PABIR1: variants seen among roughly 807,000 people sequenced by gnomAD.
PABIR1 encodes the protein PP2A Aalpha (PPP2R1A) and B55A (PPP2R2A) interacting phosphatase regulator 1.
A neutral mutation model predicts 14.6 loss-of-function variants in PABIR1; 2 were observed. That is an observed-to-expected ratio of 0.14 (90% confidence interval 0.06 to 0.43). The LOEUF (loss-of-function observed/expected upper bound fraction) is 0.43, where lower values mean the gene tolerates loss of function less well. Among genes scored for constraint, PABIR1 ranks in the 20% least tolerant of loss-of-function variants. The pLI is 0.99. For synonymous variants in PABIR1, 163 were observed against 155.4 expected (o/e 1.05, Z -0.36); for missense variants, 294 against 379.0 (o/e 0.78, Z 1.86).
In PABIR1 at chr9:68,784,765, A is replaced by G. The variant is rs761290039; in HGVS notation, c.*3737A>G. On this transcript the variant is annotated 3_prime_UTR_variant, in exon 1 of 1. Transcript: ENST00000394264. ...AGTAGCACCAGAGAACAGAAGAAAG[A>G]GTTGGCCTTGGAAAGGAGGTCTGGA... Among the ~76,000 whole-genome samples the G allele has an allele frequency of 6.6e-6, 1 of 152,196 alleles. No homozygotes were observed. The highest frequency in any genetic ancestry group is 2.4e-5 in the African/African-American group (1 of 41,444).
Position 68,784,673 on chromosome 9 carries a change from A to G in PABIR1, c.*3645A>G, listed in dbSNP as rs970096471. On this transcript the variant is annotated 3_prime_UTR_variant, in exon 1 of 1. Transcript: ENST00000394264. The stretch of plus-strand genomic sequence containing the variant: ...ATTAGTAGAACAATTTTGAAGATCT[A>G]ACAGAGGTGGGAGTCAGGGGAATGG... 6.1e-6 allele frequency: 1 copy of G among 164,650 alleles called. No homozygotes were observed. Among genetic ancestry groups the G allele is most frequent in the Non-Finnish European group, 1.5e-5 (1 of 68,102 alleles). The allele number at this position is 164,650 out of a possible 1,614,324, so 10.2% of individuals were successfully genotyped here. A position where few individuals can be genotyped will look rare whatever the true frequency, so the allele number is the denominator to read the frequency against.
At position 68,780,218 on chromosome 9, in the gene PABIR1, G is replaced by A. The variant is rs777200926; in HGVS notation, c.54G>A (p.Gly18=). The part of the protein sequence containing the change: ...LDLELPPGTG[G]SPAEGGGSGG... The stretch of plus-strand genomic sequence containing the variant: ...TGGAGCTGCCTCCGGGTACGGGCGG[G>A]AGCCCGGCGGAGGGCGGTGGCAGCG... The change falls in exon 1 of 1, where the codon GGG becomes GGA. Residue 18 remains glycine (G), a synonymous_variant. Transcript: ENST00000394264. 2 of 1,539,522 alleles carry A rather than the reference G, an allele frequency of 1.3e-6. No individual in the cohort carries two copies. The highest frequency in any genetic ancestry group is 2.3e-5 in the East Asian group (1 of 44,298).
chr9:68,784,308 G>A lies in PABIR1; in HGVS notation c.*3280G>A, dbSNP rs925983797. ...TGTGCAAGAAGTCCTAAAGTCAATAGCAACATTTATTTAAAGTACAGTTTG... is the reference window on the plus strand; with the variant it reads ...TGTGCAAGAAGTCCTAAAGTCAATAACAACATTTATTTAAAGTACAGTTTG... On this transcript the variant is annotated 3_prime_UTR_variant, in exon 1 of 1. Transcript: ENST00000394264. 7.3e-5 allele frequency: 11 copies of A among 150,474 alleles called. No homozygotes were observed. The highest frequency in any genetic ancestry group is 3.0e-4 in the African/African-American group (11 of 36,138). The allele number at this position is 150,474 out of a possible 1,614,324, so 9.3% of individuals were successfully genotyped here.
Position 68,782,324 on chromosome 9 carries a change from A to G in PABIR1, c.*1296A>G, listed in dbSNP as rs1001186345. The stretch of plus-strand genomic sequence containing the variant: ...TGGAGAGTCACATAGGTAAATCATT[A>G]TTTAACTTAGGTTTTCCTAAAGTTA... On this transcript the variant is annotated 3_prime_UTR_variant, in exon 1 of 1. Coordinates refer to ENST00000394264, the MANE Select transcript of PABIR1 (RefSeq NM_138333.5). 8 of 167,242 alleles carry G rather than the reference A, an allele frequency of 4.8e-5. No individual in the cohort carries two copies. Among genetic ancestry groups the G allele is most frequent in the Middle Eastern group, 6.8e-3 (2 of 296 alleles). The allele number at this position is 167,242 out of a possible 1,614,324, so 10.4% of individuals were successfully genotyped here. A position where few individuals can be genotyped will look rare whatever the true frequency, so the allele number is the denominator to read the frequency against.
Position 68,780,190 on chromosome 9 carries a change from A to G in PABIR1, c.26A>G (p.Asp9Gly), listed in dbSNP as rs1223625810. 3 of 1,535,124 alleles carry G rather than the reference A, an allele frequency of 2.0e-6. No individual in the cohort carries two copies. The highest frequency in any genetic ancestry group is 2.6e-6 in the Non-Finnish European group (3 of 1,147,988). Residue 9 changes from aspartate to glycine, a missense_variant, in exon 1 of 1, where the codon GAC becomes GGC. By Grantham distance (94) the Asp-to-Gly change is moderately conservative (BLOSUM62 -1). Coordinates refer to ENST00000394264, the MANE Select transcript of PABIR1 (RefSeq NM_138333.5). Reference protein sequence around the residue: MAQEKMELDLELPPGTGGS... With the variant: MAQEKMELGLELPPGTGGS... ...ATGGCTCAGGAGAAGATGGAGCTAG[A>G]CCTGGAGCTGCCTCCGGGTACGGGC...
chr9:68,781,345 G>T lies in PABIR1; in HGVS notation c.*317G>T. On this transcript the variant is annotated 3_prime_UTR_variant, in exon 1 of 1. Coordinates refer to ENST00000394264, the MANE Select transcript of PABIR1 (RefSeq NM_138333.5). Reference sequence around the variant, plus strand: ...TAACTGAGAGCTCTATTTATTTATGGGATTATTAAGTTCTGATGAAAATAT... The same window carrying T: ...TAACTGAGAGCTCTATTTATTTATGTGATTATTAAGTTCTGATGAAAATAT... 8.3e-6 allele frequency: 2 copies of T among 239,778 alleles called. No individual in the cohort carries two copies. Among genetic ancestry groups the T allele is most frequent in the Non-Finnish European group, 1.8e-5 (2 of 114,180 alleles). The allele number at this position is 239,778 out of a possible 1,614,324, so 14.9% of individuals were successfully genotyped here. A position where few individuals can be genotyped will look rare whatever the true frequency, so the allele number is the denominator to read the frequency against.
chr9:68,780,868 C>T lies in PABIR1; in HGVS notation c.704C>T (p.Pro235Leu). 1 of 1,614,228 alleles carries T rather than the reference C, an allele frequency of 6.2e-7. No homozygotes were observed. Among genetic ancestry groups the T allele is most frequent in the East Asian group, 2.2e-5 (1 of 44,888 alleles). Residue 235 changes from proline (P) to leucine (L), a missense_variant, in exon 1 of 1, where the codon CCT becomes CTT. Physicochemically the swap from Pro to Leu is moderately conservative, Grantham distance 98. Coordinates refer to ENST00000394264, the MANE Select transcript of PABIR1 (RefSeq NM_138333.5). ...LSSDVAQLSDPGVCVSSDTLD... is the reference protein window; with the variant it reads ...LSSDVAQLSDLGVCVSSDTLD... ...TCTGACGTTGCACAGCTGTCAGATC[C>T]TGGTGTGTGTGTATCTTCGGATACC...
In PABIR1 at chr9:68,781,064, A is replaced by G; in HGVS notation, c.*36A>G. 6.3e-7 allele frequency: 1 copy of G among 1,582,494 alleles called. No individual in the cohort carries two copies. Among genetic ancestry groups the G allele is most frequent in the Non-Finnish European group, 8.6e-7 (1 of 1,162,862 alleles). On this transcript the variant is annotated 3_prime_UTR_variant, in exon 1 of 1. Transcript: ENST00000394264. Reference sequence around the variant, plus strand: ...CTGAGACTTTCTTTTTGCAGTGGAGAGAGAGAATAATCTAGTTGGGGCAAA... The same window carrying G: ...CTGAGACTTTCTTTTTGCAGTGGAGGGAGAGAATAATCTAGTTGGGGCAAA...
Position 68,780,706 on chromosome 9 carries a change from G to T in PABIR1, c.542G>T (p.Arg181Leu), listed in dbSNP as rs1354000026. ...AGCCCTATTCCCAGCCCAACGACCC[G>T]ATTTACCACCCGGAGAAGCCAGAGC... ...PPSPIPSPTT[R>L]FTTRRSQSPI... is the part of the protein sequence containing the mutation. The change falls in exon 1 of 1, where the codon CGA becomes CTA. Residue 181 changes from arginine to leucine, a missense_variant. Physicochemically the swap from Arg to Leu is moderately radical, Grantham distance 102. Coordinates refer to ENST00000394264, the MANE Select transcript of PABIR1 (RefSeq NM_138333.5). The T allele has an allele frequency of 2.5e-6, 4 of 1,614,200 alleles. No individual in the cohort carries two copies. The highest frequency in any genetic ancestry group is 1.1e-5 in the South Asian group (1 of 91,086).
chr9:68,785,345 C>T lies in PABIR1; in HGVS notation c.*4317C>T, dbSNP rs990272119. Among the ~76,000 whole-genome samples the T allele has an allele frequency of 6.6e-6, 1 of 152,140 alleles. No homozygotes were observed. The highest frequency in any genetic ancestry group is 2.4e-5 in the African/African-American group (1 of 41,428). On this transcript the variant is annotated 3_prime_UTR_variant, in exon 1 of 1. Coordinates refer to ENST00000394264, the MANE Select transcript of PABIR1 (RefSeq NM_138333.5). ...CTGGTCTCAATGTAGGTCTCTCACT[C>T]CAGCAGTTTTGCCCACATTTTTCAT...
In PABIR1 at chr9:68,780,128, C is replaced by G; in HGVS notation, c.-37C>G. The G allele has an allele frequency of 1.3e-6, 2 of 1,504,666 alleles. No individual in the cohort carries two copies. Among genetic ancestry groups the G allele is most frequent in the Non-Finnish European group, 1.8e-6 (2 of 1,131,966 alleles). 93.2% of individuals were successfully genotyped at this position (1,504,666 alleles called of 1,614,324 possible). A position where few individuals can be genotyped will look rare whatever the true frequency, so the allele number is the denominator to read the frequency against. ...CTGCGGGGAATGGGAATCCTAGGTC[C>G]CTGACTGAGCACCTCCCCCGCCTCC... On this transcript the variant is annotated 5_prime_UTR_variant, in exon 1 of 1. Coordinates refer to ENST00000394264, the MANE Select transcript of PABIR1 (RefSeq NM_138333.5).
chr9:68,780,094 G>T lies in PABIR1; in HGVS notation c.-71G>T. 2 of 1,337,346 alleles carry T rather than the reference G, an allele frequency of 1.5e-6. No homozygotes were observed. Among genetic ancestry groups the T allele is most frequent in the Non-Finnish European group, 9.6e-7 (1 of 1,040,180 alleles). The allele number at this position is 1,337,346 out of a possible 1,614,324, so 82.8% of individuals were successfully genotyped here. ...TCTCGGTGGCGGCGGCAGCGGCGGCGGCCCTGGACTGCGGGGAATGGGAAT... is the reference window on the plus strand; with the variant it reads ...TCTCGGTGGCGGCGGCAGCGGCGGCTGCCCTGGACTGCGGGGAATGGGAAT... On this transcript the variant is annotated 5_prime_UTR_variant, in exon 1 of 1. Coordinates refer to ENST00000394264, the MANE Select transcript of PABIR1 (RefSeq NM_138333.5).
rs765510131 is a variant in PABIR1 at position 68,780,940 on chromosome 9, C to T, written c.776C>T (p.Ala259Val). 8 of 1,614,008 alleles carry T rather than the reference C, an allele frequency of 5.0e-6. No homozygotes were observed. Among genetic ancestry groups the T allele is most frequent in the African/African-American group, 1.3e-5 (1 of 74,878 alleles). The change falls in exon 1 of 1, where the codon GCG (alanine) becomes GTG (valine). Residue 259 changes from alanine (A) to valine (V), a missense_variant. Around this residue, in one of 3 missense-constraint regions of PABIR1, gnomAD observed 95 missense variants for 100.8 expected, o/e 0.94. Coordinates refer to ENST00000394264, the MANE Select transcript of PABIR1 (RefSeq NM_138333.5). ...GCCGGATCTTCTTGTAACTCACCAG[C>T]GAAAGTCAGCACTACCACCGACTCT... ...SSAGSSCNSP[A>V]KVSTTTDSPV...
In PABIR1 at chr9:68,785,172, A is replaced by T. The variant is rs1056852139; in HGVS notation, c.*4144A>T. 6.6e-6 allele frequency among the ~76,000 whole-genome samples: 1 copy of T among 152,212 alleles called. No individual in the cohort carries two copies. The highest frequency in any genetic ancestry group is 1.5e-5 in the Non-Finnish European group (1 of 68,036). On this transcript the variant is annotated 3_prime_UTR_variant, in exon 1 of 1. Coordinates refer to ENST00000394264, the MANE Select transcript of PABIR1 (RefSeq NM_138333.5). Reference sequence around the variant, plus strand: ...GTTAAGTGGGTACTAGGTAAAGCCCAGTGTGTGAAGTAGTTAAGGGTTCTG... The same window carrying T: ...GTTAAGTGGGTACTAGGTAAAGCCCTGTGTGTGAAGTAGTTAAGGGTTCTG...
Position 68,780,332 on chromosome 9 carries a change from G to C in PABIR1, c.168G>C (p.Pro56=). The C allele has an allele frequency of 6.2e-7, 1 of 1,606,186 alleles. No individual in the cohort carries two copies. Residue 56 remains proline, a synonymous_variant, in exon 1 of 1, where the codon CCG becomes CCC. Coordinates refer to ENST00000394264, the MANE Select transcript of PABIR1 (RefSeq NM_138333.5). ...CGCCGGTGTTCCAGGCCGAGGCGCCGAGCGCCAGGCGGAACAGCACAACGT... is the reference window on the plus strand; with the variant it reads ...CGCCGGTGTTCCAGGCCGAGGCGCCCAGCGCCAGGCGGAACAGCACAACGT... ...DTSPVFQAEA[P]SARRNSTTFP...
rs1831461353 is a variant in PABIR1, at chr9:68,784,000, C to G, written c.*2972C>G. 6.0e-6 allele frequency: 1 copy of G among 167,180 alleles called. No individual in the cohort carries two copies. Among genetic ancestry groups the G allele is most frequent in the Non-Finnish European group, 1.5e-5 (1 of 68,146 alleles). The allele number at this position is 167,180 out of a possible 1,614,324, so 10.4% of individuals were successfully genotyped here. ...CCTCGTTTTCTGTGCTTCGCCCTCACTGGCTTGCCTTTCTTTTCCTTAAAT... is the reference window on the plus strand; with the variant it reads ...CCTCGTTTTCTGTGCTTCGCCCTCAGTGGCTTGCCTTTCTTTTCCTTAAAT... On this transcript the variant is annotated 3_prime_UTR_variant, in exon 1 of 1. Transcript: ENST00000394264.
chr9:68,781,216 G>A lies in PABIR1; in HGVS notation c.*188G>A. The A allele has an allele frequency of 5.7e-6, 4 of 699,904 alleles. No individual in the cohort carries two copies. The highest frequency in any genetic ancestry group is 6.4e-5 in the Admixed American group (2 of 31,248). The allele number at this position is 699,904 out of a possible 1,614,324, so 43.4% of individuals were successfully genotyped here. On this transcript the variant is annotated 3_prime_UTR_variant, in exon 1 of 1. Transcript: ENST00000394264. ...GTTCCTTTGGATACCCTTGAATTCA[G>A]TGTAGTAATATTTTCAGACGTTTCC...
Position 68,784,725 on chromosome 9 carries a change from G to A in PABIR1, c.*3697G>A, listed in dbSNP as rs957406708. On this transcript the variant is annotated 3_prime_UTR_variant, in exon 1 of 1. Coordinates refer to ENST00000394264, the MANE Select transcript of PABIR1 (RefSeq NM_138333.5). The stretch of plus-strand genomic sequence containing the variant: ...TGCCAGACAATTGAACCAAGAAGAT[G>A]ATGATCATTTCTTGAGTAGCACCAG... 4 of 157,098 alleles carry A rather than the reference G, an allele frequency of 2.5e-5. No homozygotes were observed. The highest frequency in any genetic ancestry group is 5.9e-5 in the Non-Finnish European group (4 of 68,080). The allele number at this position is 157,098 out of a possible 1,614,324, so 9.7% of individuals were successfully genotyped here. A position where few individuals can be genotyped will look rare whatever the true frequency, so the allele number is the denominator to read the frequency against.
At position 68,780,097 on chromosome 9, in the gene PABIR1, C is replaced by CAAAAAAA; in HGVS notation, c.-68_-67insAAAAAAA. 6.9e-7 allele frequency: 1 copy of CAAAAAAA among 1,458,192 alleles called. No homozygotes were observed. The highest frequency in any genetic ancestry group is 2.7e-5 in the Admixed American group (1 of 36,874). The allele number at this position is 1,458,192 out of a possible 1,614,324, so 90.3% of individuals were successfully genotyped here. On this transcript the variant is annotated 5_prime_UTR_variant, in exon 1 of 1. Coordinates refer to ENST00000394264, the MANE Select transcript of PABIR1 (RefSeq NM_138333.5). The stretch of plus-strand genomic sequence containing the variant: ...CGGTGGCGGCGGCAGCGGCGGCGGC[C>CAAAAAAA]CTGGACTGCGGGGAATGGGAATCCT...
Sources: gnomAD v4.1 joint callset for allele counts (sites outside exome capture counted in the v4.1 genomes callset) on GRCh38, gnomAD v4.1.1 for gene constraint, gnomAD v4.1.1 regional missense constraint, MANE v1.5 for transcripts, NCBI Gene and HGNC (gene_info 2026-07-23, HGNC 2026-07-21) for gene names.